Variants in NEDD4L observed in about 807,000 individuals in gnomAD.
NEDD4L encodes the protein E3 ubiquitin-protein ligase NEDD4-like.
Under a neutral mutation model 148.9 loss-of-function variants are expected in NEDD4L, and 54 were observed. The ratio of observed to expected loss-of-function variants is 0.36; its 90% CI spans 0.29 to 0.45. NEDD4L has a LOEUF of 0.45. Ranked by LOEUF, NEDD4L falls within the 20% of genes least tolerant of loss-of-function variation. The pLI, the probability that NEDD4L is intolerant of heterozygous loss-of-function variation, is 1.00. For missense variants in NEDD4L, 856 were observed against 1,233.8 expected (o/e 0.69, Z 4.59); for synonymous variants, 433 against 440.7 (o/e 0.98, Z 0.22).
At chr18:58,109,591 A>G (rs1376597658) in intron 1 of NEDD4L, among the ~76,000 whole-genome samples, 9 of 77,382 alleles carry the variant, frequency 1.2e-4, no homozygotes, top group Non-Finnish European at 2.4e-4. Context: ...TTTTTTTTTG[A>G]GACGGAGTCT....
intron 30 of NEDD4L, among the ~76,000 whole-genome samples, chr18:58,393,451 C>T (rs1298688083): frequency 6.6e-6 from 1 of 152,176 alleles, no homozygotes; most frequent in African/African-American, 2.4e-5. Flanking sequence ...GGGCAAAGAT[C>T]CACCTACAGG....
In NEDD4L at chr18:58,197,663, C is replaced by T. The variant is rs79722639; in HGVS notation, c.122+31802C>T. The T allele has an allele frequency of 6.1e-3, 934 of 152,468 alleles. 4 individuals carry two copies. Among genetic ancestry groups the T allele is most frequent in the African/African-American group, 0.022 (905 of 41,552 alleles). The allele number at this position is 152,468 out of a possible 1,614,324, so 9.4% of individuals were successfully genotyped here. A position where few individuals can be genotyped will look rare whatever the true frequency, so the allele number is the denominator to read the frequency against. The stretch of plus-strand genomic sequence containing the variant: ...TGCACAGGCCGAGCTCCGTGGTCCT[C>T]CCATGTGATCCCTTCCCTGCCAGCC... On this transcript the variant is annotated intron_variant, in intron 2 of 30. Coordinates refer to ENST00000400345, the MANE Select transcript of NEDD4L (RefSeq NM_001144967.3).
intron 5 of NEDD4L, among the ~76,000 whole-genome samples, chr18:58,253,499 G>A (rs1310427274): frequency 6.6e-6 from 1 of 152,178 alleles, no homozygotes; most frequent in Non-Finnish European, 1.5e-5. Flanking sequence ...TGTGAAATTG[G>A]ATGAGAGATT....
At chr18:58,190,000 T>A (rs2039927348) in intron 2 of NEDD4L, 1 of 152,188 alleles carries the variant, frequency 6.6e-6, no homozygotes, top group Non-Finnish European at 1.5e-5. Flanking sequence ...AAACCAAGTA[T>A]TCCAAATCGT....
chr18:58,068,445 T>C lies in NEDD4L; in HGVS notation c.48+23737T>C, dbSNP rs574250297. 4.6e-5 allele frequency among the ~76,000 whole-genome samples: 7 copies of C among 152,252 alleles called. No individual in the cohort carries two copies. In the South Asian group the frequency reaches 1.5e-3, roughly 32 times the overall value. On this transcript the variant is annotated intron_variant, in intron 1 of 30. Coordinates refer to ENST00000400345, the MANE Select transcript of NEDD4L (RefSeq NM_001144967.3). ...TGATCTCCTGACCTTGTGATCCACCTGCCTCGGCCTCCCAAAGTGCTGGGA... is the reference window on the plus strand; with the variant it reads ...TGATCTCCTGACCTTGTGATCCACCCGCCTCGGCCTCCCAAAGTGCTGGGA...
intron 1 of NEDD4L, among the ~76,000 whole-genome samples, chr18:58,126,611 T>C (rs576643187): frequency 9.2e-5 from 14 of 152,354 alleles, no homozygotes; most frequent in Admixed American, 3.9e-4. Flanking sequence ...TGCAGGTTTT[T>C]GTGTGGACAT....
chr18:58,255,225 T>G (rs1267868957), intron 5 of NEDD4L, among the ~76,000 whole-genome samples: 2 of 152,048 alleles, frequency 1.3e-5, no homozygotes, highest in African/African-American at 4.8e-5. Context: ...GTTTGCTGCC[T>G]TAGTCAGCTG....
chr18:58,285,385 G>A (rs2053744456), intron 5 of NEDD4L, among the ~76,000 whole-genome samples: 1 of 152,124 alleles, frequency 6.6e-6, no homozygotes, highest in African/African-American at 2.4e-5. Context: ...CTGGAGTGCA[G>A]TGGTGTGATC....
intron 13 of NEDD4L, among the ~76,000 whole-genome samples, chr18:58,338,428 ATG>A (rs1287616460): frequency 6.6e-6 from 1 of 152,232 alleles, no homozygotes; most frequent in Admixed American, 6.5e-5. Flanking sequence ...AAGTTGTTCT[ATG>A]TGGTCATTTG....
At chr18:58,384,067 G>A (rs2048694334) in intron 25 of NEDD4L, among the ~76,000 whole-genome samples, 1 of 152,160 alleles carries the variant, frequency 6.6e-6, no homozygotes, top group African/African-American at 2.4e-5. Flanking sequence ...CGCCACAGTG[G>A]CCCTGAGTTC....
intron 1 of NEDD4L, among the ~76,000 whole-genome samples, chr18:58,132,592 G>A (rs1017065520): frequency 6.6e-6 from 1 of 152,166 alleles, no homozygotes; most frequent in Non-Finnish European, 1.5e-5. Context: ...TCATTCACAA[G>A]GTGGCATAAT....
intron 5 of NEDD4L, among the ~76,000 whole-genome samples, chr18:58,303,379 A>T (rs2056723449): frequency 6.6e-6 from 1 of 152,142 alleles, no homozygotes; most frequent in Non-Finnish European, 1.5e-5. Context: ...AAGCACCCTC[A>T]CATTTCCTCT....
At chr18:58,202,681 TG>T (rs1229592960) in intron 2 of NEDD4L, among the ~76,000 whole-genome samples, 1 of 152,220 alleles carries the variant, frequency 6.6e-6, no homozygotes, top group Non-Finnish European at 1.5e-5. Context: ...ATCCTTTGGG[TG>T]GTAGGGTCTT....
intron 6 of NEDD4L, among the ~76,000 whole-genome samples, chr18:58,317,073 G>T (rs981037020): frequency 6.6e-6 from 1 of 152,268 alleles, no homozygotes; most frequent in South Asian, 2.1e-4. Context: ...GAAGGAAGGT[G>T]ATAGCAAGTA....
chr18:58,211,092 C>T (rs1412059263), intron 2 of NEDD4L, among the ~76,000 whole-genome samples: 1 of 152,148 alleles, frequency 6.6e-6, no homozygotes, highest in Non-Finnish European at 1.5e-5. Context: ...AAATAAATTA[C>T]TTAAACATAA....
chr18:58,321,902 A>G (rs2058812315), intron 6 of NEDD4L, among the ~76,000 whole-genome samples: 1 of 152,210 alleles, frequency 6.6e-6, no homozygotes, highest in East Asian at 1.9e-4. Context: ...AGCTTCATGA[A>G]CTGAACCTCA....
chr18:58,257,909 G>C (rs1370530795), intron 5 of NEDD4L, among the ~76,000 whole-genome samples: 1 of 152,104 alleles, frequency 6.6e-6, no homozygotes, highest in Non-Finnish European at 1.5e-5. Context: ...ATGTCTAGGG[G>C]ACTTTTCTTT....
At chr18:58,315,547 A>T (rs1478453786) in intron 5 of NEDD4L, among the ~76,000 whole-genome samples, 1 of 152,070 alleles carries the variant, frequency 6.6e-6, no homozygotes, top group Admixed American at 6.6e-5. Flanking sequence ...ATGCATTGGT[A>T]ACTAGGCCAT....
At chr18:58,386,808 C>T (rs2049092299) in intron 26 of NEDD4L, among the ~76,000 whole-genome samples, 1 of 152,156 alleles carries the variant, frequency 6.6e-6, no homozygotes, top group African/African-American at 2.4e-5. Context: ...AGCTCGGGGC[C>T]TTAGGGACTT....
Sources: gnomAD v4.1 joint callset for allele counts (sites outside exome capture counted in the v4.1 genomes callset) on GRCh38, gnomAD v4.1.1 for gene constraint, MANE v1.5 for transcripts, NCBI Gene and HGNC (gene_info 2026-07-23, HGNC 2026-07-21) for gene names.